The following TTC7A variants were observed in gnomAD, a reference collection of about 807,000 sequenced individuals.
TTC7A encodes the protein tetratricopeptide repeat protein 7A.
A neutral mutation model predicts 103.7 loss-of-function variants in TTC7A; 110 were observed. The ratio of observed to expected loss-of-function variants is 1.06; its 90% confidence interval spans 0.91 to 1.24. The LOEUF is 1.24. Ranked by LOEUF, TTC7A falls within the 50% of genes most tolerant of loss-of-function variation. The pLI is 0.00. For synonymous variants in TTC7A, 521 were observed against 467.9 expected (o/e 1.11, Z -1.47); for missense variants, 1,340 against 1,116.3 (o/e 1.20, Z -2.86).
chr2:47,020,009 T>C (rs1679101100), intron 11 of TTC7A, among the ~76,000 whole-genome samples: 1 of 152,130 alleles, frequency 6.6e-6, no homozygotes, highest in Non-Finnish European at 1.5e-5. Flanking sequence ...GCTCTTGGAG[T>C]TCCAGTAGCC....
In TTC7A at chr2:46,998,752, C is replaced by T. The variant is rs736377; in HGVS notation, c.1065+3553C>T. Among the ~76,000 whole-genome samples the T allele has an allele frequency of 0.78, 118,277 of 152,106 alleles. 46,523 individuals carry two copies. The highest frequency in any genetic ancestry group is 0.89 in the African/African-American group (36,788 of 41,484). Reference sequence around the variant, plus strand: ...GCTGCAGGAAACGGTGTTTGCAGGCCTCCTTGTTTTGTGGTTTGGAACTCA... The same window carrying T: ...GCTGCAGGAAACGGTGTTTGCAGGCTTCCTTGTTTTGTGGTTTGGAACTCA... On this transcript the variant is annotated intron_variant, in intron 8 of 19. Coordinates refer to ENST00000319190, the MANE Select transcript of TTC7A (RefSeq NM_020458.4).
At position 46,941,720 on chromosome 2, in the gene TTC7A, A is replaced by T. The variant is rs957596183; in HGVS notation, c.179A>T (p.Asp60Val). Residue 60 changes from aspartate to valine, a missense_variant, in exon 1 of 20, where the codon GAC (aspartate) becomes GTC (valine). By Grantham distance (152) the Asp-to-Val change is radical. Transcript: ENST00000319190. This position sits in a 1 kb window ranked among gnomAD's most constrained non-coding sequence, Gnocchi z 4.2. ...GSPSAAFTFPDTDDFGKLLLA... is the reference protein window; with the variant it reads ...GSPSAAFTFPVTDDFGKLLLA... ...CCGAGCGCAGCGTTCACCTTTCCGGACACCGGTGAGTAAGGGAAGAGGCTG... is the reference window on the plus strand; with the variant it reads ...CCGAGCGCAGCGTTCACCTTTCCGGTCACCGGTGAGTAAGGGAAGAGGCTG... 1.9e-6 allele frequency: 3 copies of T among 1,549,870 alleles called. No homozygotes were observed. In the African/African-American group the frequency reaches 4.1e-5, roughly 21 times the overall value.
chr2:47,072,713 G>A (rs928474834), intron 19 of TTC7A, among the ~76,000 whole-genome samples: 1 of 152,118 alleles, frequency 6.6e-6, no homozygotes, highest in Middle Eastern at 3.2e-3. Context: ...ACAAGAGAAG[G>A]GCCCCCCGTG....
chr2:46,916,346 G>A (rs1668789182), exon 1 of TTC7A: 1 of 207,212 alleles, frequency 4.8e-6, no homozygotes, highest in Non-Finnish European at 8.4e-6. Flanking sequence ...TGCGGCAGCC[G>A]CTGTCCCCGT....
At chr2:47,070,389 G>C (rs980372745) in intron 19 of TTC7A, among the ~76,000 whole-genome samples, 1 of 152,218 alleles carries the variant, frequency 6.6e-6, no homozygotes, top group Non-Finnish European at 1.5e-5. Flanking sequence ...ATCCCTGATC[G>C]GAGGTCCACA....
At chr2:46,967,015 C>G (rs773219901) in intron 3 of TTC7A, among the ~76,000 whole-genome samples, 2 of 151,700 alleles carry the variant, frequency 1.3e-5, no homozygotes. Context: ...GAGTTCAAGA[C>G]CAGCCTGGCC....
At chr2:47,035,523 C>T (rs1452098457) in intron 15 of TTC7A, 2 of 152,226 alleles carry the variant, frequency 1.3e-5, no homozygotes, top group Admixed American at 6.5e-5. Flanking sequence ...TGGCCTTGCT[C>T]TGTGTGACAT....
chr2:46,949,184 C>T (rs984757482), intron 1 of TTC7A, among the ~76,000 whole-genome samples: 13 of 152,164 alleles, frequency 8.5e-5, no homozygotes, highest in South Asian at 4.1e-4. Flanking sequence ...GGTCACAAGA[C>T]GAGTTTTCAG....
Position 46,974,879 on chromosome 2 carries a change from C to A in TTC7A, c.518-94C>A, listed in dbSNP as rs1178817555. 13 of 1,527,596 alleles carry A rather than the reference C, an allele frequency of 8.5e-6. No homozygotes were observed. In the South Asian group the frequency reaches 1.4e-4, roughly 17 times the overall value. The allele number at this position is 1,527,596 out of a possible 1,614,324, so 94.6% of individuals were successfully genotyped here. A position where few individuals can be genotyped will look rare whatever the true frequency, so the allele number is the denominator to read the frequency against. On this transcript the variant is annotated intron_variant, in intron 3 of 19. Transcript: ENST00000319190. ...CCTCCTGGCTGCACCAGAGTGTCTG[C>A]CCCCTCGGATGAGCCCACCTTCGGC...
intron 5 of TTC7A, 147 bp downstream of exon 5, chr2:46,979,054 T>C (rs1203841974): frequency 3.3e-6 from 2 of 600,714 alleles, no homozygotes. Flanking sequence ...GTGTCACATC[T>C]TGTCAGACAG....
At chr2:47,066,075 C>G (rs1403210868) in intron 19 of TTC7A, 2 of 152,206 alleles carry the variant, frequency 1.3e-5, no homozygotes, top group Non-Finnish European at 2.9e-5. Flanking sequence ...TTGGTAATTC[C>G]TGGGATGCAG....
At chr2:46,921,183 G>C (rs1669084938) in intron 2 of TTC7A, among the ~76,000 whole-genome samples, 1 of 152,082 alleles carries the variant, frequency 6.6e-6, no homozygotes, top group South Asian at 2.1e-4. Flanking sequence ...AGCCGTTAGA[G>C]AACAAGATAT....
chr2:46,928,049 G>A lies in TTC7A; in HGVS notation c.82+10772G>A, dbSNP rs567647591. On this transcript the variant is annotated intron_variant, in intron 2 of 20. Coordinates refer to the TTC7A transcript ENST00000409245. ...GCTGACCACTGGCATACACCACCAC[G>A]CCCAGCTAGTTTTTGCATTTTTTGT... is the stretch of plus-strand genomic sequence containing the variant. Among the ~76,000 whole-genome samples, 11 of 151,536 alleles carry A rather than the reference G, an allele frequency of 7.3e-5. No individual in the cohort carries two copies. In the East Asian group the frequency reaches 2.0e-3, roughly 27 times the overall value.
At chr2:46,971,379 A>G (rs1398889746) in intron 3 of TTC7A, among the ~76,000 whole-genome samples, 1 of 152,178 alleles carries the variant, frequency 6.6e-6, no homozygotes, top group Non-Finnish European at 1.5e-5. Context: ...GGCAGGAGGA[A>G]CAACTTGAGC....
At chr2:47,038,919 T>C (rs1018420240) in intron 15 of TTC7A, among the ~76,000 whole-genome samples, 9 of 152,014 alleles carry the variant, frequency 5.9e-5, no homozygotes, top group Non-Finnish European at 1.3e-4. Context: ...GCACCAAGGA[T>C]ACAAAGATAA....
chr2:46,999,803 T>C lies in TTC7A; in HGVS notation c.1065+4604T>C, dbSNP rs938816212. On this transcript the variant is annotated intron_variant, in intron 8 of 19. Transcript: ENST00000319190. ...TATGTGCTAAAGTAAACTGAACCCT[T>C]GGATCCCTGTTTCATTCAGCTGGCG... 8 of 985,348 alleles carry C rather than the reference T, an allele frequency of 8.1e-6. No individual in the cohort carries two copies. The African/African-American group carries it at 1.4e-4, about 17-fold the overall frequency. The allele number at this position is 985,348 out of a possible 1,614,324, so 61.0% of individuals were successfully genotyped here.
chr2:47,067,160 G>T (rs1358029435), intron 19 of TTC7A, among the ~76,000 whole-genome samples: 1 of 152,236 alleles, frequency 6.6e-6, no homozygotes, highest in Admixed American at 6.5e-5. Flanking sequence ...TGAGGCTTAA[G>T]TTGCTAACAC....
chr2:46,962,081 C>G (rs1672432347), intron 3 of TTC7A, among the ~76,000 whole-genome samples: 2 of 152,182 alleles, frequency 1.3e-5, no homozygotes, highest in Admixed American at 6.5e-5. Context: ...GTGGTCATTT[C>G]TTTTGTACCC....
intron 19 of TTC7A, among the ~76,000 whole-genome samples, chr2:47,071,438 A>T (rs1684701095): frequency 6.6e-6 from 1 of 152,084 alleles, no homozygotes; most frequent in Non-Finnish European, 1.5e-5. Context: ...CCCCACCTGG[A>T]AGGACCCTCT....
Sources: allele counts gnomAD v4.1 joint callset (sites outside exome capture counted in the v4.1 genomes callset), GRCh38; gene constraint gnomAD v4.1.1; non-coding constraint Gnocchi (gnomAD v3.1); transcripts MANE v1.5; gene names NCBI Gene and HGNC (gene_info 2026-07-23, HGNC 2026-07-21).